PPP4R3A: variants seen among roughly 807,000 people sequenced by gnomAD.
The protein encoded by PPP4R3A is serine/threonine-protein phosphatase 4 regulatory subunit 3A.
In PPP4R3A, 15 loss-of-function variants were observed where a neutral mutation model predicts 91.7. The observed-to-expected ratio is 0.16, with a 90% CI of 0.11 to 0.25. The LOEUF (loss-of-function observed/expected upper bound fraction) is 0.25, where lower values mean the gene tolerates loss of function less well. Ranked by LOEUF, PPP4R3A falls within the 10% of genes least tolerant of loss-of-function variation. PPP4R3A has a pLI of 1.00. For missense variants in PPP4R3A, 623 were observed against 998.4 expected (o/e 0.62, Z 5.07); for synonymous variants, 377 against 348.7 (o/e 1.08, Z -0.91).
chr14:91,458,715 A>G lies in PPP4R3A; in HGVS notation c.*44T>C. ...ATTTTGTATGGGGGAGGGGTGGAGA[A>G]CCAGTTTTTTTCAACAGGTACTGAT... is the stretch of plus-strand genomic sequence containing the variant. On this transcript the variant is annotated 3_prime_UTR_variant, in exon 15 of 15. Coordinates refer to ENST00000554943, the MANE Select transcript of PPP4R3A (RefSeq NM_001366432.2). The G allele has an allele frequency of 6.2e-7, 1 of 1,613,794 alleles. No individual in the cohort carries two copies. The highest frequency in any genetic ancestry group is 8.5e-7 in the Non-Finnish European group (1 of 1,179,826).
At chr14:91,470,159 A>G (rs1888751982) in intron 10 of PPP4R3A, among the ~76,000 whole-genome samples, 1 of 152,174 alleles carries the variant, frequency 6.6e-6, no homozygotes, top group Non-Finnish European at 1.5e-5. Flanking sequence ...AATTTGGTCT[A>G]ACAACTTACC....
chr14:91,471,911 A>G (rs925453974), intron 9 of PPP4R3A, among the ~76,000 whole-genome samples: 2 of 151,960 alleles, frequency 1.3e-5, no homozygotes, highest in African/African-American at 4.8e-5. Context: ...CTAAAAATAT[A>G]AAAATTAGCC....
chr14:91,479,292 A>ATGTGTG (rs1889395920), intron 4 of PPP4R3A, among the ~76,000 whole-genome samples: 2 of 93,260 alleles, frequency 2.1e-5, no homozygotes, highest in African/African-American at 8.6e-5. Flanking sequence ...ATAAAAAACA[A>ATGTGTG]CGTGTGTGTG....
Position 91,482,053 on chromosome 14 carries a change from A to G in PPP4R3A, c.438T>C (p.Leu146=), listed in dbSNP as rs769821715. The change falls in exon 4 of 15, where the codon CTT becomes CTC. Residue 146 remains leucine, a synonymous_variant. Coordinates refer to ENST00000554943, the MANE Select transcript of PPP4R3A (RefSeq NM_001366432.2). ...GAGGTGAAGGTAAAGATGATGCCACAAGTTCTGCAATTTCTTCAAGGCGAC... is the reference window on the plus strand; with the variant it reads ...GAGGTGAAGGTAAAGATGATGCCACGAGTTCTGCAATTTCTTCAAGGCGAC... The part of the protein sequence containing the change: ...ELSRLEEIAE[L]VASSLPSPLR... 6.2e-7 allele frequency: 1 copy of G among 1,614,076 alleles called. No homozygotes were observed. The highest frequency in any genetic ancestry group is 8.5e-7 in the Non-Finnish European group (1 of 1,180,040).
At chr14:91,488,562 A>G (rs976728034) in intron 2 of PPP4R3A, among the ~76,000 whole-genome samples, 4 of 152,194 alleles carry the variant, frequency 2.6e-5, no homozygotes, top group African/African-American at 9.7e-5. Flanking sequence ...GTTTACCTTT[A>G]TAATTCACCA....
intron 1 of PPP4R3A, among the ~76,000 whole-genome samples, chr14:91,498,917 CAAAAAAAA>C (rs530802333): frequency 1.1e-5 from 1 of 91,330 alleles, no homozygotes; most frequent in Non-Finnish European, 2.2e-5. Context: ...GACTCCAACT[CAAAAAAAA>C]AAAAAAAAAG....
Position 91,477,872 on chromosome 14 carries a change from C to T in PPP4R3A, c.916-886G>A, listed in dbSNP as rs1301668238. Among the ~76,000 whole-genome samples, 8 of 152,350 alleles carry T rather than the reference C, an allele frequency of 5.3e-5. No homozygotes were observed. In the East Asian group the frequency reaches 1.5e-3, roughly 29 times the overall value. The stretch of plus-strand genomic sequence containing the variant: ...TCATGTTGGCCAGTCTGGTCTTGAA[C>T]TCGTGGCCTCAAGCAATCCACTGGC... On this transcript the variant is annotated intron_variant, in intron 4 of 14. Transcript: ENST00000554943.
At chr14:91,460,234 G>C (rs375317752) in intron 14 of PPP4R3A, among the ~76,000 whole-genome samples, 2 of 151,930 alleles carry the variant, frequency 1.3e-5, no homozygotes, top group African/African-American at 4.8e-5. Context: ...GGATGGTCTC[G>C]GATCTCCTGA....
At chr14:91,473,185 C>T in intron 8 of PPP4R3A, 50 bp from the exon 9 acceptor site, 3 of 1,612,806 alleles carry the variant, frequency 1.9e-6, no homozygotes, top group Admixed American at 3.3e-5. Context: ...TGGTTCCTAC[C>T]AGCAATACAC....
chr14:91,500,747 C>G (rs865885226), intron 1 of PPP4R3A, among the ~76,000 whole-genome samples: 2 of 152,136 alleles, frequency 1.3e-5, no homozygotes, highest in African/African-American at 4.8e-5. Context: ...GTAGGCCAGG[C>G]ATGGTGGCTC....
In PPP4R3A at chr14:91,475,973, A is replaced by G; in HGVS notation, c.1111-7T>C. 6.7e-7 allele frequency: 1 copy of G among 1,488,082 alleles called. No homozygotes were observed. Among genetic ancestry groups the G allele is most frequent in the Non-Finnish European group, 8.8e-7 (1 of 1,130,672 alleles). The allele number at this position is 1,488,082 out of a possible 1,614,324, so 92.2% of individuals were successfully genotyped here. A position where few individuals can be genotyped will look rare whatever the true frequency, so the allele number is the denominator to read the frequency against. ...CCTGTGTATCATCCATGCCCTGCAG[A>G]CAAAAAACATTTATTTTTCCTGTAT... On this transcript the variant is annotated splice_region_variant and splice_polypyrimidine_tract_variant and intron_variant, in intron 6 of 14. Coordinates refer to ENST00000554943, the MANE Select transcript of PPP4R3A (RefSeq NM_001366432.2).
intron 1 of PPP4R3A, among the ~76,000 whole-genome samples, chr14:91,496,369 A>G (rs1253542712): frequency 1.3e-5 from 2 of 152,228 alleles, no homozygotes; most frequent in African/African-American, 4.8e-5. Context: ...TTGTTATTCA[A>G]GTTGTGCTTT....
At chr14:91,461,358 C>T (rs1332545836) in intron 14 of PPP4R3A, 23 bp downstream of exon 14, 2 of 1,587,756 alleles carry the variant, frequency 1.3e-6, no homozygotes, top group Non-Finnish European at 1.7e-6. Context: ...AAAAAGGGGG[C>T]AAAATGGGAG....
At chr14:91,503,835 C>T (rs1891111895) in intron 1 of PPP4R3A, among the ~76,000 whole-genome samples, 1 of 152,092 alleles carries the variant, frequency 6.6e-6, no homozygotes. Flanking sequence ...ACACAGCATA[C>T]ACTGAAAGAA....
intron 14 of PPP4R3A, among the ~76,000 whole-genome samples, 181 bp downstream of exon 14, chr14:91,461,200 A>T (rs1888131251): frequency 6.6e-6 from 1 of 152,204 alleles, no homozygotes; most frequent in Non-Finnish European, 1.5e-5. Context: ...GGTCATAAAA[A>T]AAACTTTCAG....
chr14:91,459,062 T>C (rs1020327420), intron 14 of PPP4R3A, among the ~76,000 whole-genome samples, 193 bp from the exon 15 acceptor site: 1 of 152,142 alleles, frequency 6.6e-6, no homozygotes. Flanking sequence ...ACATGCATAC[T>C]TTTTTACAAT....
At chr14:91,500,193 G>T (rs1420256502) in intron 1 of PPP4R3A, among the ~76,000 whole-genome samples, 1 of 149,294 alleles carries the variant, frequency 6.7e-6, no homozygotes, top group African/African-American at 2.5e-5. Flanking sequence ...CCAATATGTA[G>T]TACATAACCA....
intron 1 of PPP4R3A, among the ~76,000 whole-genome samples, chr14:91,504,026 G>A (rs541474335): frequency 1.3e-4 from 20 of 152,066 alleles, no homozygotes; most frequent in South Asian, 1.2e-3. Flanking sequence ...TCTGGAGATC[G>A]AGACCATTCT....
At chr14:91,495,948 CACAA>C (rs983204311) in intron 1 of PPP4R3A, among the ~76,000 whole-genome samples, 11 of 126,736 alleles carry the variant, frequency 8.7e-5, no homozygotes, top group East Asian at 2.4e-4. Context: ...CACACACACA[CACAA>C]AAAGGTAAAC....
Sources: gnomAD v4.1 joint callset for allele counts (sites outside exome capture counted in the v4.1 genomes callset) on GRCh38, gnomAD v4.1.1 for gene constraint, MANE v1.5 for transcripts, NCBI Gene and HGNC (gene_info 2026-07-23, HGNC 2026-07-21) for gene names.